HDAC9: variants seen among roughly 807,000 people sequenced by gnomAD.
HDAC9 encodes the protein MEF-2 interacting transcription repressor (MITR) protein.
A neutral mutation model predicts 139.4 loss-of-function variants in HDAC9; 41 were observed. That is an observed-to-expected ratio of 0.29 (90% confidence interval 0.23 to 0.38). The LOEUF (loss-of-function observed/expected upper bound fraction) is 0.38, where lower values mean the gene tolerates loss of function less well. Among genes scored for constraint, HDAC9 ranks in the 10% least tolerant of loss-of-function variants. The pLI, the probability that HDAC9 is intolerant of heterozygous loss-of-function variation, is 1.00. For missense variants in HDAC9, 1,147 were observed against 1,297.0 expected (o/e 0.88, Z 1.78); for synonymous variants, 517 against 476.2 (o/e 1.09, Z -1.12).
In HDAC9 at chr7:18,997,578, T is replaced by C. The variant is rs1786539377; in HGVS notation, c.*1516T>C. On this transcript the variant is annotated 3_prime_UTR_variant, in exon 26 of 26. Coordinates refer to ENST00000686413, the MANE Select transcript of HDAC9 (RefSeq NM_178425.4). Reference sequence around the variant, plus strand: ...TAACTCAAAGGATATATTAAAGCCATAAGTGAAGATTGTCATGCTTTTATT... The same window carrying C: ...TAACTCAAAGGATATATTAAAGCCACAAGTGAAGATTGTCATGCTTTTATT... 1.3e-5 allele frequency: 2 copies of C among 152,162 alleles called. No individual in the cohort carries two copies. Among genetic ancestry groups the C allele is most frequent in the Admixed American group, 1.3e-4 (2 of 15,284 alleles). The allele number at this position is 152,162 out of a possible 1,614,324, so 9.4% of individuals were successfully genotyped here.
intron 1 of HDAC9, among the ~76,000 whole-genome samples, chr7:18,379,615 A>C (rs902245531): frequency 4.6e-5 from 7 of 152,208 alleles, no homozygotes; most frequent in Non-Finnish European, 7.3e-5. Context: ...CAGTTCTTAA[A>C]TTTTAAGATT....
In HDAC9 at chr7:18,495,892, A is replaced by T. The variant is rs1399421685; in HGVS notation, c.-173A>T. 1 of 1,163,384 alleles carries T rather than the reference A, an allele frequency of 8.6e-7. No individual in the cohort carries two copies. Among genetic ancestry groups the T allele is most frequent in the Non-Finnish European group, 1.1e-6 (1 of 945,344 alleles). The allele number at this position is 1,163,384 out of a possible 1,614,324, so 72.1% of individuals were successfully genotyped here. On this transcript the variant is annotated 5_prime_UTR_variant, in exon 1 of 26. Transcript: ENST00000686413. Reference sequence around the variant, plus strand: ...TCTTTTTCTCGTGGGTAGACTTAATAATTTTCTACGTATTCTGACAAAGAA... The same window carrying T: ...TCTTTTTCTCGTGGGTAGACTTAATTATTTTCTACGTATTCTGACAAAGAA...
chr7:18,150,706 C>A (rs2128118995), intron 1 of HDAC9, among the ~76,000 whole-genome samples: 1 of 152,314 alleles, frequency 6.6e-6, no homozygotes, highest in East Asian at 1.9e-4. Context: ...TCCAACACTG[C>A]TACTCCTCCA....
At chr7:18,307,469 G>A (rs1255289991) in intron 1 of HDAC9, among the ~76,000 whole-genome samples, 1 of 152,090 alleles carries the variant, frequency 6.6e-6, no homozygotes, top group Non-Finnish European at 1.5e-5. Context: ...TAAAGTGCTT[G>A]CTCTTTCTTA....
At chr7:18,748,660 C>T (rs1041979270) in intron 13 of HDAC9, among the ~76,000 whole-genome samples, 7 of 152,078 alleles carry the variant, frequency 4.6e-5, no homozygotes, top group Non-Finnish European at 8.8e-5. Flanking sequence ...AAATTATCTG[C>T]CTAAAAACAA....
intron 1 of HDAC9, among the ~76,000 whole-genome samples, chr7:18,470,809 T>C (rs915376077): frequency 6.6e-6 from 1 of 152,206 alleles, no homozygotes; most frequent in African/African-American, 2.4e-5. Context: ...TTCTTACACC[T>C]TCCTGAATTA....
At chr7:18,272,746 G>T (rs568563617) in intron 2 of HDAC9, among the ~76,000 whole-genome samples, 1 of 152,194 alleles carries the variant, frequency 6.6e-6, no homozygotes, top group East Asian at 1.9e-4. Flanking sequence ...TCAAATTGAG[G>T]TATGGGTTCA....
chr7:18,886,124 A>C (rs1308973944), intron 22 of HDAC9, among the ~76,000 whole-genome samples: 1 of 152,234 alleles, frequency 6.6e-6, no homozygotes, highest in Non-Finnish European at 1.5e-5. Context: ...ATTACAATCA[A>C]AAGATTTATT....
chr7:18,907,695 TTC>T, intron 22 of HDAC9, among the ~76,000 whole-genome samples: 1 of 152,272 alleles, frequency 6.6e-6, no homozygotes, highest in South Asian at 2.1e-4. Flanking sequence ...AATCAGATAA[TTC>T]TGGAAAGAAA....
chr7:18,213,441 T>C (rs765348100), intron 2 of HDAC9, among the ~76,000 whole-genome samples: 1 of 152,152 alleles, frequency 6.6e-6, no homozygotes, highest in Non-Finnish European at 1.5e-5. Flanking sequence ...CTGATAATAG[T>C]TACTGAATTA....
chr7:18,860,444 C>A (rs767986329), intron 21 of HDAC9, among the ~76,000 whole-genome samples: 4 of 152,156 alleles, frequency 2.6e-5, no homozygotes, highest in Non-Finnish European at 5.9e-5. Flanking sequence ...TGGAAAGATA[C>A]ATGTTGCAGG....
intron 5 of HDAC9, among the ~76,000 whole-genome samples, chr7:18,591,845 C>T (rs1831085595): frequency 6.6e-6 from 1 of 152,026 alleles, no homozygotes; most frequent in Non-Finnish European, 1.5e-5. Context: ...CTGGCACGGT[C>T]CTATAAAATA....
intron 2 of HDAC9, among the ~76,000 whole-genome samples, chr7:18,194,990 G>A (rs1453011996): frequency 6.6e-6 from 1 of 151,794 alleles, no homozygotes; most frequent in Admixed American, 6.6e-5. Context: ...AGGAGGAAAG[G>A]TTGGTTTAAG....
chr7:18,828,800 G>C (rs538321542), intron 17 of HDAC9, among the ~76,000 whole-genome samples: 34 of 152,170 alleles, frequency 2.2e-4, no homozygotes, highest in Non-Finnish European at 4.3e-4. Context: ...CACCAAGAGT[G>C]AATTTCTTCT....
intron 13 of HDAC9, among the ~76,000 whole-genome samples, chr7:18,730,139 C>T (rs1425882716): frequency 1.3e-5 from 2 of 152,146 alleles, no homozygotes; most frequent in East Asian, 3.8e-4. Flanking sequence ...ATAGCTTCTC[C>T]ACTGGCATTG....
intron 1 of HDAC9, among the ~76,000 whole-genome samples, chr7:18,456,417 G>A (rs1793352934): frequency 1.3e-5 from 2 of 152,128 alleles, no homozygotes; most frequent in Admixed American, 6.5e-5. Flanking sequence ...TGTATTTTTA[G>A]TTGAGATGGG....
chr7:18,417,247 A>G (rs1016817660), intron 1 of HDAC9, among the ~76,000 whole-genome samples: 1 of 148,852 alleles, frequency 6.7e-6, no homozygotes, highest in South Asian at 2.1e-4. Context: ...AATCTCATAT[A>G]TTGTAGTTTT....
chr7:18,512,327 C>A (rs1168812185), intron 2 of HDAC9, among the ~76,000 whole-genome samples: 7 of 152,002 alleles, frequency 4.6e-5, no homozygotes, highest in Admixed American at 4.6e-4. Flanking sequence ...ACTTATATTG[C>A]TCAGTACAAG....
chr7:18,934,921 T>C (rs1781517922), intron 22 of HDAC9, among the ~76,000 whole-genome samples: 1 of 152,026 alleles, frequency 6.6e-6, no homozygotes, highest in Non-Finnish European at 1.5e-5. Flanking sequence ...TCTCTGCCAA[T>C]AGAAGAATGG....
Sources: gnomAD v4.1 joint callset for allele counts (sites outside exome capture counted in the v4.1 genomes callset) on GRCh38, gnomAD v4.1.1 for gene constraint, MANE v1.5 for transcripts, NCBI Gene and HGNC (gene_info 2026-07-23, HGNC 2026-07-21) for gene names.